Variants in PTPRK observed in about 807,000 individuals in gnomAD.
The protein encoded by PTPRK is protein tyrosine phosphatase receptor type K.
A neutral mutation model predicts 178.0 loss-of-function variants in PTPRK; 75 were observed. That is an observed-to-expected ratio of 0.42 (90% CI 0.35 to 0.51). PTPRK has a LOEUF of 0.51. Among genes scored for constraint, PTPRK ranks in the 20% least tolerant of loss-of-function variants. PTPRK has a pLI of 0.02. For missense variants in PTPRK, 1,441 were observed against 1,797.8 expected (o/e 0.80, Z 3.59); for synonymous variants, 637 against 620.6 (o/e 1.03, Z -0.39).
chr6:127,982,486 G>A (rs112562181), intron 24 of PTPRK, among the ~76,000 whole-genome samples: 11,819 of 152,138 alleles, frequency 0.078, 635 homozygotes, highest in Non-Finnish European at 0.12. Flanking sequence ...GTGTTAGCCA[G>A]GATGGTCTCG....
chr6:128,172,679 T>C (rs572667859), intron 7 of PTPRK, among the ~76,000 whole-genome samples: 2 of 151,874 alleles, frequency 1.3e-5, no homozygotes, highest in African/African-American at 4.8e-5. Context: ...TATAGATATA[T>C]GCATATCAAT....
intron 5 of PTPRK, among the ~76,000 whole-genome samples, chr6:128,225,165 C>T (rs949017179): frequency 6.6e-6 from 1 of 152,078 alleles, no homozygotes; most frequent in African/African-American, 2.4e-5. Flanking sequence ...TATTTCAAGG[C>T]TATTGACTTG....
chr6:128,283,746 A>T (rs751462754), intron 3 of PTPRK, among the ~76,000 whole-genome samples: 23 of 152,206 alleles, frequency 1.5e-4, no homozygotes, highest in Admixed American at 9.8e-4. Flanking sequence ...TGCCCTTGAA[A>T]GGAGCCACAA....
chr6:128,297,153 T>A (rs1415447515), intron 3 of PTPRK, among the ~76,000 whole-genome samples: 3 of 151,718 alleles, frequency 2.0e-5, no homozygotes, highest in Non-Finnish European at 4.4e-5. Flanking sequence ...GGTAAAGGGA[T>A]CAATTCAACA....
intron 3 of PTPRK, among the ~76,000 whole-genome samples, chr6:128,313,113 CAG>C (rs1000797914): frequency 6.6e-6 from 1 of 151,864 alleles, no homozygotes; most frequent in African/African-American, 2.4e-5. Flanking sequence ...GCACAGGAGA[CAG>C]GGACTAGAAT....
At chr6:128,234,881 T>C (rs933237267) in intron 5 of PTPRK, among the ~76,000 whole-genome samples, 1 of 152,270 alleles carries the variant, frequency 6.6e-6, no homozygotes, top group African/African-American at 2.4e-5. Context: ...TTTTTGCTTA[T>C]ATATTCACTT....
chr6:128,109,785 A>C (rs1790338605), intron 7 of PTPRK, among the ~76,000 whole-genome samples: 1 of 152,190 alleles, frequency 6.6e-6, no homozygotes, highest in Admixed American at 6.6e-5. Flanking sequence ...TTATAGAACA[A>C]GAACAAAACA....
Position 128,143,013 on chromosome 6 carries a change from T to C in PTPRK, c.1162+41419A>G, listed in dbSNP as rs928761084. 7.9e-5 allele frequency among the ~76,000 whole-genome samples: 12 copies of C among 152,256 alleles called. No homozygotes were observed. In the East Asian group the frequency reaches 2.1e-3, roughly 27 times the overall value. On this transcript the variant is annotated intron_variant, in intron 7 of 29. Coordinates refer to ENST00000368226, the MANE Select transcript of PTPRK (RefSeq NM_002844.4). ...TTTCTCAAATACTCTTCAAAATTCA[T>C]CCATGTTAAAGGAATTGAAATATTC... is the stretch of plus-strand genomic sequence containing the variant.
At position 128,444,688 on chromosome 6, in the gene PTPRK, G is replaced by A. The variant is rs532578362; in HGVS notation, c.101-47000C>T. ...TAAGTAAGAAATAATGACTTCCGAG[G>A]TTGAGCCAAGCAGAATGTCCAGAAA... On this transcript the variant is annotated intron_variant, in intron 1 of 29. Coordinates refer to ENST00000368226, the MANE Select transcript of PTPRK (RefSeq NM_002844.4). Among the ~76,000 whole-genome samples, 5 of 152,216 alleles carry A rather than the reference G, an allele frequency of 3.3e-5. No individual in the cohort carries two copies. The East Asian group carries it at 9.6e-4, about 29-fold the overall frequency.
chr6:128,506,144 C>A (rs144313997), intron 1 of PTPRK, among the ~76,000 whole-genome samples: 2 of 152,108 alleles, frequency 1.3e-5, no homozygotes, highest in East Asian at 1.9e-4. Context: ...AAACAATATA[C>A]CAACATTCTT....
chr6:128,135,124 TA>T (rs1794837786), intron 7 of PTPRK, among the ~76,000 whole-genome samples: 1 of 143,912 alleles, frequency 6.9e-6, no homozygotes, highest in Non-Finnish European at 1.5e-5. Flanking sequence ...ACTCTCCTAA[TA>T]ATTTAGTTCT....
chr6:128,151,624 T>C (rs1479100470), intron 7 of PTPRK, among the ~76,000 whole-genome samples: 13 of 152,022 alleles, frequency 8.6e-5, no homozygotes, highest in Admixed American at 2.6e-4. Flanking sequence ...TAAATATAAG[T>C]AACATTCAAA....
chr6:128,472,699 T>C, intron 1 of PTPRK: 1 of 356,208 alleles, frequency 2.8e-6, no homozygotes, highest in Non-Finnish European at 5.5e-6. Context: ...CAATAATATA[T>C]ATTTCCAACT....
At chr6:128,440,135 G>C (rs1846093207) in intron 1 of PTPRK, among the ~76,000 whole-genome samples, 1 of 152,186 alleles carries the variant, frequency 6.6e-6, no homozygotes, top group African/African-American at 2.4e-5. Flanking sequence ...TAGGACTTGA[G>C]TATACATGGA....
At chr6:127,980,015 A>G (rs1018887067) in intron 25 of PTPRK, among the ~76,000 whole-genome samples, 16 of 152,240 alleles carry the variant, frequency 1.1e-4, no homozygotes, top group African/African-American at 3.6e-4. Flanking sequence ...CATCTCTACT[A>G]AAAATACAAA....
chr6:128,418,334 A>G (rs1266679296), intron 1 of PTPRK, among the ~76,000 whole-genome samples: 1 of 152,232 alleles, frequency 6.6e-6, no homozygotes, highest in Non-Finnish European at 1.5e-5. Context: ...CCTAACCCCC[A>G]GGTCATGGAC....
At chr6:128,254,383 GA>G (rs1816947774) in intron 3 of PTPRK, among the ~76,000 whole-genome samples, 1 of 152,050 alleles carries the variant, frequency 6.6e-6, no homozygotes, top group African/African-American at 2.4e-5. Context: ...TATTTACGAA[GA>G]GATGTAACAA....
At chr6:128,454,099 T>C (rs569456253) in intron 1 of PTPRK, among the ~76,000 whole-genome samples, 103 of 152,212 alleles carry the variant, frequency 6.8e-4, no homozygotes, top group Non-Finnish European at 1.2e-3. Flanking sequence ...AAACCTTTAG[T>C]TTTAAGAGAC....
At chr6:128,003,868 AGGC>A (rs1778127768) in intron 15 of PTPRK, among the ~76,000 whole-genome samples, 1 of 151,898 alleles carries the variant, frequency 6.6e-6, no homozygotes, top group African/African-American at 2.4e-5. Context: ...TAGATCTGAA[AGGC>A]CCTGTCATGA....
Sources: gnomAD v4.1 joint callset for allele counts (sites outside exome capture counted in the v4.1 genomes callset) on GRCh38, gnomAD v4.1.1 for gene constraint, MANE v1.5 for transcripts, NCBI Gene and HGNC (gene_info 2026-07-23, HGNC 2026-07-21) for gene names.